The following SAMTOR variants were observed in gnomAD, a reference collection of about 807,000 sequenced individuals.
SAMTOR encodes S-adenosylmethionine sensor upstream of mTORC1.
At chr7:112,939,824 A>AGGAGGGAGCTGC in the SAMTOR span, 1 of 1,221,808 alleles carries the variant, frequency 8.2e-7, no homozygotes, top group South Asian at 1.4e-5. Context: ...GTGGGGTAGG[A>AGGAGGGAGCTGC]GGAGGGAGCT....
At chr7:112,838,788 G>T in the SAMTOR span, among the ~76,000 whole-genome samples, 1 of 151,808 alleles carries the variant, frequency 6.6e-6, no homozygotes, top group Non-Finnish European at 1.5e-5. Flanking sequence ...TTTAATGTTT[G>T]TTGTTGTGGT....
the SAMTOR span, chr7:112,939,866 C>T: frequency 3.7e-5 from 29 of 775,022 alleles, no homozygotes; most frequent in East Asian, 7.7e-4. Flanking sequence ...GGCAGAGGAA[C>T]CGGAGCGACA....
At chr7:112,939,323 CTGGGGACAGGGGCTTGGAGGGGG>C in the SAMTOR span, 1 of 527,306 alleles carries the variant, frequency 1.9e-6, no homozygotes, top group Admixed American at 3.4e-5. Flanking sequence ...AGCACCCCGG[CTGGGGACAGGGGCTTGGAGGGGG>C]TGGGGACTCA....
chr7:112,854,172 A>C, the SAMTOR span, among the ~76,000 whole-genome samples: 1 of 152,182 alleles, frequency 6.6e-6, no homozygotes, highest in Non-Finnish European at 1.5e-5. Flanking sequence ...CTGACTCTGC[A>C]TGAGACTAGG....
At chr7:112,893,075 A>T in the SAMTOR span, among the ~76,000 whole-genome samples, 4 of 152,180 alleles carry the variant, frequency 2.6e-5, no homozygotes, top group African/African-American at 9.6e-5. Flanking sequence ...TAGATTCAGC[A>T]TAATTCTTAA....
At chr7:112,912,287 A>C in the SAMTOR span, among the ~76,000 whole-genome samples, 1 of 152,022 alleles carries the variant, frequency 6.6e-6, no homozygotes, top group Non-Finnish European at 1.5e-5. Flanking sequence ...TCTGTATTTA[A>C]AGAGCTAAAA....
At chr7:112,832,802 A>G in the SAMTOR span, 10 of 596,728 alleles carry the variant, frequency 1.7e-5, no homozygotes, top group Admixed American at 6.3e-5. Context: ...GACGGCCCCA[A>G]TGAGCTTTCA....
At chr7:112,889,299 A>G in the SAMTOR span, among the ~76,000 whole-genome samples, 1 of 152,246 alleles carries the variant, frequency 6.6e-6, no homozygotes, top group Non-Finnish European at 1.5e-5. Flanking sequence ...TCTTTTGGGA[A>G]GTTCTGAGAA....
At chr7:112,824,644 A>G in the SAMTOR span, among the ~76,000 whole-genome samples, 1 of 152,118 alleles carries the variant, frequency 6.6e-6, no homozygotes, top group Non-Finnish European at 1.5e-5. Flanking sequence ...TACAGGCATG[A>G]TCCACCACAC....
the SAMTOR span, among the ~76,000 whole-genome samples, chr7:112,917,321 C>G: frequency 6.6e-6 from 1 of 152,216 alleles, no homozygotes; most frequent in Non-Finnish European, 1.5e-5. Flanking sequence ...GCAGCCACCG[C>G]TGCTCCAGGC....
At chr7:112,864,710 C>A in the SAMTOR span, among the ~76,000 whole-genome samples, 1 of 152,198 alleles carries the variant, frequency 6.6e-6, no homozygotes, top group Admixed American at 6.5e-5. Flanking sequence ...CTTTGGAGAA[C>A]TGAGGTGGGA....
At chr7:112,882,695 A>C in the SAMTOR span, among the ~76,000 whole-genome samples, 1 of 151,494 alleles carries the variant, frequency 6.6e-6, no homozygotes, top group East Asian at 2.0e-4. Context: ...CTTGAAAAAC[A>C]ACCAACGAAC....
the SAMTOR span, among the ~76,000 whole-genome samples, chr7:112,909,043 A>T: frequency 6.6e-6 from 1 of 152,216 alleles, no homozygotes. Flanking sequence ...TAAAAGGACA[A>T]AAAGGATGGT....
At chr7:112,916,748 C>T in the SAMTOR span, among the ~76,000 whole-genome samples, 20 of 152,302 alleles carry the variant, frequency 1.3e-4, no homozygotes, top group South Asian at 4.1e-4. Flanking sequence ...CCTAATACTG[C>T]GCTTTTCCGA....
At chr7:112,833,666 A>C in the SAMTOR span, among the ~76,000 whole-genome samples, 1 of 152,158 alleles carries the variant, frequency 6.6e-6, no homozygotes, top group African/African-American at 2.4e-5. Context: ...TTATAAATTG[A>C]ATTTTCTTTC....
the SAMTOR span, among the ~76,000 whole-genome samples, chr7:112,923,041 G>A: frequency 6.6e-6 from 1 of 152,240 alleles, no homozygotes; most frequent in African/African-American, 2.4e-5. Flanking sequence ...AGAAAAGGGG[G>A]AAAGGTGGGG....
chr7:112,891,791 T>A, the SAMTOR span, among the ~76,000 whole-genome samples: 2 of 152,244 alleles, frequency 1.3e-5, no homozygotes, highest in South Asian at 2.1e-4. Flanking sequence ...TAGTCATCAT[T>A]TGAGCCTCCA....
chr7:112,933,437 A>T, the SAMTOR span, among the ~76,000 whole-genome samples: 1 of 152,238 alleles, frequency 6.6e-6, no homozygotes, highest in East Asian at 1.9e-4. Context: ...AACTTCTTAA[A>T]GTGTGCCTTA....
the SAMTOR span, among the ~76,000 whole-genome samples, chr7:112,864,619 A>AT: frequency 6.6e-6 from 1 of 152,174 alleles, no homozygotes; most frequent in Non-Finnish European, 1.5e-5. Flanking sequence ...CTACACTCAT[A>AT]TTTACAGCTG....
Sources: gnomAD v4.1 joint callset for allele counts (sites outside exome capture counted in the v4.1 genomes callset) on GRCh38, gnomAD v4.1.1 for gene constraint, MANE v1.5 for transcripts, NCBI Gene and HGNC (gene_info 2026-07-23, HGNC 2026-07-21) for gene names.